ANKHD1: variants seen among roughly 807,000 people sequenced by gnomAD.
ANKHD1 encodes the protein ankyrin repeat and KH domain-containing protein 1.
ANKHD1 carries 31 observed loss-of-function variants against 230.5 expected under a neutral mutation model. That is an observed-to-expected ratio of 0.13 (90% CI 0.10 to 0.18). The LOEUF (loss-of-function observed/expected upper bound fraction) is 0.18, where lower values mean the gene tolerates loss of function less well. Ranked by LOEUF, ANKHD1 falls within the 10% of genes least tolerant of loss-of-function variation. The probability of loss-of-function intolerance (pLI) is 1.00; values close to 1 mark genes in which losing one functional copy is unlikely to be tolerated. For synonymous variants in ANKHD1, 1,074 were observed against 1,117.6 expected, an observed-to-expected ratio of 0.96 and a Z score of 0.78; for missense variants, 2,256 against 3,071.3, an observed-to-expected ratio of 0.73 and a Z score of 6.27.
chr5:140,501,120 G>A (rs1375208489), intron 15 of ANKHD1, among the ~76,000 whole-genome samples: 3 of 142,816 alleles, frequency 2.1e-5, no homozygotes, highest in African/African-American at 2.6e-5. Context: ...TTTTTGAGAC[G>A]GAGTCTCACA....
chr5:140,524,278 CCTTT>C (rs1561829581), intron 25 of ANKHD1, 38 bp downstream of exon 25: 1 of 1,525,022 alleles, frequency 6.6e-7, no homozygotes, highest in Non-Finnish European at 8.7e-7. Context: ...ATAAAATTCT[CCTTT>C]GTTTATCAAC....
chr5:140,503,553 C>CTTTGTTTTTTTTT (rs1752400256), intron 15 of ANKHD1, among the ~76,000 whole-genome samples: 1 of 51,418 alleles, frequency 1.9e-5, no homozygotes, highest in East Asian at 6.1e-4. Context: ...AGTTTTCTTT[C>CTTTGTTTTTTTTT]TTTTTTTTTT....
intron 31 of ANKHD1, 88 bp downstream of exon 31, chr5:140,537,677 CA>C (rs755244007): frequency 2.0e-5 from 29 of 1,447,970 alleles, no homozygotes; most frequent in East Asian, 7.3e-5. Context: ...AAAAAACAAA[CA>C]AAAAAAACTT....
At chr5:140,455,830 C>T (rs1342183409) in intron 7 of ANKHD1, among the ~76,000 whole-genome samples, 2 of 152,162 alleles carry the variant, frequency 1.3e-5, no homozygotes, top group African/African-American at 4.8e-5. Flanking sequence ...TCTCTCACCA[C>T]TCCTATTCAA....
At chr5:140,435,055 A>G (rs1232079612) in intron 1 of ANKHD1, among the ~76,000 whole-genome samples, 1 of 152,224 alleles carries the variant, frequency 6.6e-6, no homozygotes, top group Non-Finnish European at 1.5e-5. Context: ...ATTCATTTCA[A>G]CAAGTATGTA....
intron 6 of ANKHD1, among the ~76,000 whole-genome samples, chr5:140,448,898 A>G (rs867809477): frequency 2.0e-5 from 3 of 152,186 alleles, no homozygotes; most frequent in East Asian, 1.9e-4. Context: ...TTGGCTTTCT[A>G]TTTGATCTCA....
At chr5:140,455,263 A>C (rs1775082249) in intron 7 of ANKHD1, among the ~76,000 whole-genome samples, 1 of 152,226 alleles carries the variant, frequency 6.6e-6, no homozygotes. Context: ...AGATGGATTC[A>C]CTGCTGAATT....
chr5:140,419,929 C>T (rs1581217546), intron 1 of ANKHD1, among the ~76,000 whole-genome samples: 1 of 334 alleles, frequency 3.0e-3, no homozygotes, highest in Non-Finnish European at 6.4e-3. Context: ...CCCTCCCCTC[C>T]CCTCCCCTCC....
At chr5:140,430,167 A>G (rs1458136013) in intron 1 of ANKHD1, among the ~76,000 whole-genome samples, 1 of 152,186 alleles carries the variant, frequency 6.6e-6, no homozygotes, top group East Asian at 1.9e-4. Flanking sequence ...TTGAGGAGGA[A>G]GACAAAGGTT....
At chr5:140,470,125 C>T (rs970614690) in intron 10 of ANKHD1, among the ~76,000 whole-genome samples, 23 of 152,084 alleles carry the variant, frequency 1.5e-4, no homozygotes, top group African/African-American at 5.1e-4. Flanking sequence ...CTGAATATTG[C>T]CAAAGCCTGC....
In ANKHD1 at chr5:140,485,427, C is replaced by CAT. The variant is rs1554090723; in HGVS notation, c.1999-162_1999-161insAT. On this transcript the variant is annotated intron_variant, in intron 12 of 33. Transcript: ENST00000360839. This position sits in a 1 kb window ranked among gnomAD's most constrained non-coding sequence, Gnocchi z 4.8. ...ACACACACACACACACACACACACACGTATGTATGTGTATATATATATAAA... is the reference window on the plus strand; with the variant it reads ...ACACACACACACACACACACACACACATGTATGTATGTGTATATATATATAAA... Among the ~76,000 whole-genome samples the CAT allele has an allele frequency of 1.4e-5, 2 of 146,550 alleles. No individual in the cohort carries two copies.
chr5:140,464,860 T>G (rs900065881), intron 10 of ANKHD1, 84 bp downstream of exon 10: 26 of 1,349,804 alleles, frequency 1.9e-5, no homozygotes, highest in Non-Finnish European at 2.5e-5. Context: ...TAAAGATCAA[T>G]GGTTTGCGTA....
chr5:140,462,800 G>A (rs1038562143), intron 9 of ANKHD1, among the ~76,000 whole-genome samples: 6 of 151,162 alleles, frequency 4.0e-5, no homozygotes, highest in Non-Finnish European at 7.4e-5. Flanking sequence ...CCAAAGTGAT[G>A]AGGTAGTCCC....
intron 10 of ANKHD1, among the ~76,000 whole-genome samples, chr5:140,479,746 T>TTATATATATAAGTATATATATAAG (rs775107488): frequency 6.9e-6 from 1 of 144,784 alleles, no homozygotes; most frequent in East Asian, 2.1e-4. Context: ...ATATATATAC[T>TTATATATATAAGTATATATATAAG]TATATATATA....
In ANKHD1 at chr5:140,402,125, C is replaced by A; in HGVS notation, c.158C>A (p.Ala53Glu). 1 of 1,541,062 alleles carries A rather than the reference C, an allele frequency of 6.5e-7. No individual in the cohort carries two copies. The highest frequency in any genetic ancestry group is 8.7e-7 in the Non-Finnish European group (1 of 1,148,042). The stretch of plus-strand genomic sequence containing the variant: ...AGGCTCTTTGGGGAGGCCGGGCCAG[C>A]GTCGGGAGTCGGCAGCAGCGGCGGC... ...TVRLFGEAGP[A>E]SGVGSSGGGG... The change falls in exon 1 of 34, where the codon GCG (alanine) becomes GAG (glutamate). Residue 53 changes from alanine (A) to glutamate (E), a missense_variant. Coordinates refer to ENST00000360839, the MANE Select transcript of ANKHD1 (RefSeq NM_017747.3).
At position 140,486,972 on chromosome 5, in the gene ANKHD1, A is replaced by G. The variant is rs755499815; in HGVS notation, c.2157A>G (p.Pro719=). ...TGACTTTTTAGGTGCCACGTGTGCC[A>G]ACGCATACACTTGCCATGGTTGTAC... ...SQDQSQVPRV[P]THTLAMVVPP... is the part of the protein sequence containing the mutation. The change falls in exon 14 of 34, where the codon CCA becomes CCG. Residue 719 remains proline (P), a synonymous_variant. Coordinates refer to ENST00000360839, the MANE Select transcript of ANKHD1 (RefSeq NM_017747.3). 1.2e-6 allele frequency: 2 copies of G among 1,612,346 alleles called. No individual in the cohort carries two copies. Among genetic ancestry groups the G allele is most frequent in the East Asian group, 4.5e-5 (2 of 44,842 alleles).
Position 140,518,870 on chromosome 5 carries a change from G to T in ANKHD1, c.4318-5196G>T, listed in dbSNP as rs967141333. On this transcript the variant is annotated intron_variant, in intron 24 of 33. Transcript: ENST00000360839. ...AACTGGAAGCGTTCCCTTTGAAAACGGGCACAAGACAGGGATGCCCTCTCT... is the reference window on the plus strand; with the variant it reads ...AACTGGAAGCGTTCCCTTTGAAAACTGGCACAAGACAGGGATGCCCTCTCT... 5.9e-5 allele frequency among the ~76,000 whole-genome samples: 9 copies of T among 152,196 alleles called. No individual in the cohort carries two copies. In the East Asian group the frequency reaches 1.3e-3, roughly 23 times the overall value.
At chr5:140,498,843 G>C (rs181631865) in intron 15 of ANKHD1, among the ~76,000 whole-genome samples, 1 of 110,000 alleles carries the variant, frequency 9.1e-6, no homozygotes, top group Admixed American at 1.1e-4. Flanking sequence ...GATTAGTTCA[G>C]TTATGTTAGA....
intron 24 of ANKHD1, among the ~76,000 whole-genome samples, chr5:140,521,156 ATAAT>A (rs1274712959): frequency 1.3e-5 from 2 of 152,206 alleles, no homozygotes; most frequent in Non-Finnish European, 2.9e-5. Flanking sequence ...TATTTTGTTG[ATAAT>A]TAAAGGAAGA....
Sources: allele counts gnomAD v4.1 joint callset (sites outside exome capture counted in the v4.1 genomes callset), GRCh38; gene constraint gnomAD v4.1.1; non-coding constraint Gnocchi (gnomAD v3.1); transcripts MANE v1.5; gene names NCBI Gene and HGNC (gene_info 2026-07-23, HGNC 2026-07-21).